SELENOF: variants seen among roughly 807,000 people sequenced by gnomAD.
SELENOF encodes selenoprotein F.
In SELENOF, 16 loss-of-function variants were observed where a neutral mutation model predicts 20.5. The observed-to-expected ratio is 0.78, with a 90% CI of 0.53 to 1.19. The LOEUF (loss-of-function observed/expected upper bound fraction) is 1.19. Ranked by LOEUF, SELENOF falls within the 50% of genes most tolerant of loss-of-function variation. SELENOF has a pLI of 0.00. For missense variants in SELENOF, 215 were observed against 194.2 expected (o/e 1.11, Z -0.64); for synonymous variants, 78 against 74.5 (o/e 1.05, Z -0.24).
chr1:86,863,394 C>G lies in SELENOF; in HGVS notation c.*80G>C. ...TAAAAGACTGATCAATGGAAGCAAG[C>G]AAAACTAAATTATTTTCTAGGTGCT... On this transcript the variant is annotated 3_prime_UTR_variant, in exon 5 of 5. Coordinates refer to ENST00000331835, the MANE Select transcript of SELENOF (RefSeq NM_004261.5). 7.8e-7 allele frequency: 1 copy of G among 1,283,058 alleles called. No individual in the cohort carries two copies. The highest frequency in any genetic ancestry group is 1.1e-6 in the Non-Finnish European group (1 of 928,812). 79.5% of individuals were successfully genotyped at this position (1,283,058 alleles called of 1,614,324 possible). A position where few individuals can be genotyped will look rare whatever the true frequency, so the allele number is the denominator to read the frequency against.
chr1:86,870,244 G>A (rs896742110), intron 3 of SELENOF, among the ~76,000 whole-genome samples: 1 of 152,086 alleles, frequency 6.6e-6, no homozygotes, highest in African/African-American at 2.4e-5. Context: ...CATTGTGAAC[G>A]TCTTCACACA....
chr1:86,880,514 C>A lies in SELENOF; in HGVS notation c.316+148G>T. Reference sequence around the variant, plus strand: ...CACCAATTACTTTAACAAACCACTTCCATGAAAACAAATTGAAAAAAAAGC... The same window carrying A: ...CACCAATTACTTTAACAAACCACTTACATGAAAACAAATTGAAAAAAAAGC... On this transcript the variant is annotated intron_variant, in intron 3 of 4. Coordinates refer to ENST00000331835, the MANE Select transcript of SELENOF (RefSeq NM_004261.5). 1.4e-5 allele frequency: 7 copies of A among 495,096 alleles called. No individual in the cohort carries two copies. The South Asian group carries it at 2.4e-4, about 17-fold the overall frequency. 30.7% of individuals were successfully genotyped at this position (495,096 alleles called of 1,614,324 possible).
intron 2 of SELENOF, among the ~76,000 whole-genome samples, chr1:86,883,323 A>G (rs975740101): frequency 1.3e-5 from 2 of 152,118 alleles, no homozygotes; most frequent in African/African-American, 4.8e-5. Context: ...CATGGGTGTA[A>G]GTTTCAGTTT....
At chr1:86,866,230 C>CTGTGTGTGTG (rs60714256) in intron 4 of SELENOF, among the ~76,000 whole-genome samples, 12,669 of 113,468 alleles carry the variant, frequency 0.11, 833 homozygotes, top group Middle Eastern at 0.19. Flanking sequence ...GTGTGTGTCT[C>CTGTGTGTGTG]TGTGTGTGTG....
chr1:86,914,564 GC>G (rs1161648034), upstream of SELENOF: 11 of 192,064 alleles, frequency 5.7e-5, no homozygotes, highest in African/African-American at 2.5e-4. Flanking sequence ...GCTTCTGGTT[GC>G]CGAGCAGCGT....
At position 86,899,878 on chromosome 1, in the gene SELENOF, G is replaced by A. The variant is rs1659640950; in HGVS notation, c.252+3403C>T. Reference sequence around the variant, plus strand: ...GTCTCCTCCCTTCTCAGATGGGGCGGCTGGGCAGAGACGCTCCTCACCTCC... The same window carrying A: ...GTCTCCTCCCTTCTCAGATGGGGCGACTGGGCAGAGACGCTCCTCACCTCC... On this transcript the variant is annotated intron_variant, in intron 2 of 4. Transcript: ENST00000331835. 1.4e-4 allele frequency among the ~76,000 whole-genome samples: 21 copies of A among 150,712 alleles called. No individual in the cohort carries two copies. The South Asian group carries it at 4.4e-3, about 32-fold the overall frequency.
At chr1:86,896,085 G>A (rs1205780835) in intron 2 of SELENOF, among the ~76,000 whole-genome samples, 4 of 151,980 alleles carry the variant, frequency 2.6e-5, no homozygotes, top group Non-Finnish European at 4.4e-5. Context: ...AAAACTAGCC[G>A]GGTGTGTTGG....
chr1:86,893,659 A>T (rs1354779588), intron 2 of SELENOF, among the ~76,000 whole-genome samples: 5 of 151,878 alleles, frequency 3.3e-5, no homozygotes, highest in Admixed American at 2.0e-4. Flanking sequence ...AGAAAATTAA[A>T]CTCTCTCAAC....
At position 86,914,083 on chromosome 1, in the gene SELENOF, C is replaced by G. The variant is rs1200817346; in HGVS notation, c.29G>C (p.Gly10Ala). The G allele has an allele frequency of 2.5e-6, 4 of 1,613,954 alleles. No homozygotes were observed. The East Asian group carries it at 6.7e-5, about 27-fold the overall frequency. The part of the protein sequence containing the change: MVAMAAGPS[G>A]CLVPAFGLRL... ...TAGCCCAAACGCCGGCACCAGACACCCACTCGGCCCAGCCGCCATCGCTAC... is the reference window on the plus strand; with the variant it reads ...TAGCCCAAACGCCGGCACCAGACACGCACTCGGCCCAGCCGCCATCGCTAC... The change falls in exon 1 of 5, where the codon GGG (glycine) becomes GCG (alanine). Residue 10 changes from glycine (G) to alanine (A), a missense_variant. Transcript: ENST00000331835.
intron 4 of SELENOF, among the ~76,000 whole-genome samples, chr1:86,866,554 G>A (rs937791972): frequency 6.6e-6 from 1 of 152,042 alleles, no homozygotes; most frequent in Non-Finnish European, 1.5e-5. Context: ...ACAGAACAAT[G>A]TGAAAATACT....
At chr1:86,877,604 A>G (rs1658955971) in intron 3 of SELENOF, among the ~76,000 whole-genome samples, 1 of 152,178 alleles carries the variant, frequency 6.6e-6, no homozygotes, top group Non-Finnish European at 1.5e-5. Flanking sequence ...TTAAAGTTTC[A>G]GACTTCGGAG....
At chr1:86,871,736 T>A (rs879066959) in intron 3 of SELENOF, among the ~76,000 whole-genome samples, 1 of 152,176 alleles carries the variant, frequency 6.6e-6, no homozygotes, top group Admixed American at 6.5e-5. Context: ...ACTCAAGATG[T>A]TTTACAAATT....
upstream of SELENOF, chr1:86,914,289 T>C: frequency 1.6e-6 from 1 of 618,924 alleles, no homozygotes; most frequent in Non-Finnish European, 2.9e-6. Context: ...ACTGGGTGCT[T>C]TCGATTACCC....
In SELENOF at chr1:86,875,594, C is replaced by T. The variant is rs367857257; in HGVS notation, c.316+5068G>A. ...CATTCATTCCATAAATATTTCAATT[C>T]CTCTTAATACCAGGTGCAATGTTAC... On this transcript the variant is annotated intron_variant, in intron 3 of 4. Transcript: ENST00000331835. Among the ~76,000 whole-genome samples, 19 of 152,214 alleles carry T rather than the reference C, an allele frequency of 1.2e-4. No individual in the cohort carries two copies. The East Asian group carries it at 2.3e-3, about 19-fold the overall frequency.
chr1:86,881,908 C>G (rs1308816368), intron 2 of SELENOF, among the ~76,000 whole-genome samples: 2 of 151,996 alleles, frequency 1.3e-5, no homozygotes, highest in Non-Finnish European at 2.9e-5. Context: ...CTGATGATCT[C>G]TAAGGGTCAC....
intron 1 of SELENOF, among the ~76,000 whole-genome samples, chr1:86,908,732 G>A (rs1659896144): frequency 6.6e-6 from 1 of 152,150 alleles, no homozygotes; most frequent in Admixed American, 6.5e-5. Flanking sequence ...ATTCTATACT[G>A]CTTTTTAGTG....
At chr1:86,905,690 C>T (rs1052754707) in intron 1 of SELENOF, among the ~76,000 whole-genome samples, 1 of 152,170 alleles carries the variant, frequency 6.6e-6, no homozygotes, top group African/African-American at 2.4e-5. Flanking sequence ...TCGCACAAAG[C>T]CATAGCGTCA....
intron 2 of SELENOF, among the ~76,000 whole-genome samples, chr1:86,885,454 TAC>T (rs1374964086): frequency 4.6e-5 from 7 of 152,158 alleles, no homozygotes; most frequent in African/African-American, 1.7e-4. Context: ...ACTTGAGAAT[TAC>T]ACACATTTTC....
chr1:86,864,052 G>A (rs1202873459), intron 4 of SELENOF, among the ~76,000 whole-genome samples: 2 of 152,198 alleles, frequency 1.3e-5, no homozygotes, highest in South Asian at 2.1e-4. Context: ...AGTATGTAAT[G>A]CCCACATGAT....
Sources: allele counts gnomAD v4.1 joint callset (sites outside exome capture counted in the v4.1 genomes callset), GRCh38; gene constraint gnomAD v4.1.1; transcripts MANE v1.5; gene names NCBI Gene and HGNC (gene_info 2026-07-23, HGNC 2026-07-21).